DNER: variants seen among roughly 807,000 people sequenced by gnomAD.
DNER encodes delta/notch like EGF repeat containing.
A neutral mutation model predicts 78.2 loss-of-function variants in DNER; 33 were observed. The observed-to-expected ratio is 0.42, with a 90% CI of 0.32 to 0.56. The LOEUF (loss-of-function observed/expected upper bound fraction) is 0.56. Among genes scored for constraint, DNER ranks in the 20% least tolerant of loss-of-function variants. The pLI is 0.11. For missense variants in DNER, 918 were observed against 975.3 expected (o/e 0.94, Z 0.78); for synonymous variants, 417 against 384.8 (o/e 1.08, Z -0.98).
chr2:229,680,465 C>G (rs182233130), intron 1 of DNER, among the ~76,000 whole-genome samples: 85 of 152,266 alleles, frequency 5.6e-4, no homozygotes, highest in African/African-American at 2.0e-3. Flanking sequence ...AGAGAAGAAC[C>G]ACTGCCCCCC....
chr2:229,580,643 G>A (rs182848853), intron 4 of DNER, among the ~76,000 whole-genome samples: 54 of 152,286 alleles, frequency 3.5e-4, no homozygotes, highest in Non-Finnish European at 6.0e-4. Context: ...TCAAAGAAGA[G>A]AGAAGGGATA....
At chr2:229,619,997 A>G (rs1279238262) in intron 1 of DNER, among the ~76,000 whole-genome samples, 1 of 152,182 alleles carries the variant, frequency 6.6e-6, no homozygotes, top group Non-Finnish European at 1.5e-5. Flanking sequence ...GTATTCTTTT[A>G]TTATTATGAA....
At chr2:229,457,555 C>A (rs1694603047) in intron 7 of DNER, among the ~76,000 whole-genome samples, 1 of 151,820 alleles carries the variant, frequency 6.6e-6, no homozygotes, top group African/African-American at 2.4e-5. Flanking sequence ...AGCAGTATAG[C>A]TAAGAAGCCA....
intron 1 of DNER, among the ~76,000 whole-genome samples, chr2:229,601,296 T>C (rs1347339647): frequency 6.6e-6 from 1 of 152,092 alleles, no homozygotes; most frequent in Non-Finnish European, 1.5e-5. Context: ...TTCAACTATA[T>C]TCCAACACCA....
intron 5 of DNER, among the ~76,000 whole-genome samples, chr2:229,545,393 G>A (rs1696604318): frequency 6.6e-6 from 1 of 152,038 alleles, no homozygotes. Context: ...TGGCCAACAT[G>A]GTGAAACCCC....
intron 1 of DNER, among the ~76,000 whole-genome samples, chr2:229,682,286 T>G (rs1559207589): frequency 6.6e-6 from 1 of 152,218 alleles, no homozygotes; most frequent in Non-Finnish European, 1.5e-5. Flanking sequence ...ATAGAATGTT[T>G]TAATTAAAAT....
At chr2:229,561,380 A>G (rs538438467) in intron 4 of DNER, among the ~76,000 whole-genome samples, 76 of 152,300 alleles carry the variant, frequency 5.0e-4, no homozygotes, top group African/African-American at 1.7e-3. Context: ...TCAACTTGCT[A>G]TCACCTGAAG....
At chr2:229,450,380 G>T (rs1008209664) in intron 7 of DNER, among the ~76,000 whole-genome samples, 10 of 152,154 alleles carry the variant, frequency 6.6e-5, no homozygotes, top group African/African-American at 2.4e-4. Context: ...CTAGAACCCA[G>T]TAGAAGAGTT....
chr2:229,601,082 A>G (rs741380), intron 1 of DNER, among the ~76,000 whole-genome samples: 4,657 of 152,256 alleles, frequency 0.031, 216 homozygotes, highest in African/African-American at 0.097. Flanking sequence ...GGCTCAGCAC[A>G]CTCAACTGTA....
intron 1 of DNER, among the ~76,000 whole-genome samples, chr2:229,700,321 TA>T (rs939430815): frequency 6.7e-6 from 1 of 148,902 alleles, no homozygotes; most frequent in African/African-American, 2.5e-5. Context: ...TGTGTGTGTA[TA>T]GGGGTCAGTG....
At chr2:229,372,435 G>T (rs1559333724) in intron 11 of DNER, among the ~76,000 whole-genome samples, 1 of 152,188 alleles carries the variant, frequency 6.6e-6, no homozygotes, top group East Asian at 1.9e-4. Flanking sequence ...CACAGGCAAA[G>T]AACCAGAGTG....
In DNER at chr2:229,664,359, C is replaced by T. The variant is rs1699055931; in HGVS notation, c.276+49789G>A. On this transcript the variant is annotated intron_variant, in intron 1 of 12. Transcript: ENST00000341772. ...ATCCAGGGCATCAAGAATGGTAAGGCCAGCTGGGCACGGTGGCTCACACCT... is the reference window on the plus strand; with the variant it reads ...ATCCAGGGCATCAAGAATGGTAAGGTCAGCTGGGCACGGTGGCTCACACCT... Among the ~76,000 whole-genome samples, 3 of 152,028 alleles carry T rather than the reference C, an allele frequency of 2.0e-5. No homozygotes were observed. The South Asian group carries it at 6.2e-4, about 32-fold the overall frequency.
In DNER at chr2:229,519,744, G is replaced by T. The variant is rs886366729; in HGVS notation, c.994-6808C>A. Among the ~76,000 whole-genome samples the T allele has an allele frequency of 7.2e-5, 11 of 152,174 alleles. No individual in the cohort carries two copies. In the East Asian group the frequency reaches 1.4e-3, roughly 19 times the overall value. ...CCTTCACCCTTAAGGGCATCTGCTAGGTCAAAACTCTGGCTAATGAGTTGA... is the reference window on the plus strand; with the variant it reads ...CCTTCACCCTTAAGGGCATCTGCTATGTCAAAACTCTGGCTAATGAGTTGA... On this transcript the variant is annotated intron_variant, in intron 5 of 12. Transcript: ENST00000341772.
intron 1 of DNER, among the ~76,000 whole-genome samples, chr2:229,649,352 T>C (rs1030259622): frequency 6.6e-6 from 1 of 152,254 alleles, no homozygotes; most frequent in African/African-American, 2.4e-5. Context: ...TATTAAAATA[T>C]GTTGTCCTCC....
At position 229,486,287 on chromosome 2, in the gene DNER, C is replaced by T. The variant is rs185677885; in HGVS notation, c.1148-9034G>A. On this transcript the variant is annotated intron_variant, in intron 6 of 12. Coordinates refer to ENST00000341772, the MANE Select transcript of DNER (RefSeq NM_139072.4). ...GACAAACACAAACAGGATTTAAAAA[C>T]CAAAGGCAAAGAAAGGAAGATACAT... Among the ~76,000 whole-genome samples, 247 of 151,684 alleles carry T rather than the reference C, an allele frequency of 1.6e-3. 1 individual carries two copies. Among genetic ancestry groups the T allele is most frequent in the Non-Finnish European group, 2.3e-3 (154 of 67,926 alleles).
intron 1 of DNER, among the ~76,000 whole-genome samples, chr2:229,652,703 GC>G (rs1698841048): frequency 6.6e-6 from 1 of 152,198 alleles, no homozygotes; most frequent in African/African-American, 2.4e-5. Flanking sequence ...TCAGAAGCAG[GC>G]AAAAAATCAA....
intron 1 of DNER, among the ~76,000 whole-genome samples, chr2:229,639,731 A>G (rs1003599872): frequency 3.3e-5 from 5 of 152,206 alleles, no homozygotes; most frequent in Non-Finnish European, 5.9e-5. Context: ...TTCAGACCCA[A>G]TCCTCACAGA....
At chr2:229,683,634 G>A (rs528677473) in intron 1 of DNER, among the ~76,000 whole-genome samples, 8 of 152,238 alleles carry the variant, frequency 5.3e-5, no homozygotes, top group South Asian at 4.2e-4. Context: ...TGATGGTGAC[G>A]ATGATGATGA....
At chr2:229,548,073 C>T (rs1044955928) in intron 4 of DNER, among the ~76,000 whole-genome samples, 2 of 151,946 alleles carry the variant, frequency 1.3e-5, no homozygotes, top group Non-Finnish European at 2.9e-5. Flanking sequence ...GTTAAAAAGC[C>T]TCATCATTAC....
Sources: allele counts gnomAD v4.1 joint callset (sites outside exome capture counted in the v4.1 genomes callset), GRCh38; gene constraint gnomAD v4.1.1; transcripts MANE v1.5; gene names NCBI Gene and HGNC (gene_info 2026-07-23, HGNC 2026-07-21).